EPB41L3: variants seen among roughly 807,000 people sequenced by gnomAD.
EPB41L3 encodes erythrocyte membrane protein band 4.1 like 3, also known as band 4.1-like protein 3.
EPB41L3 carries 57 observed loss-of-function variants against 127.1 expected under a neutral mutation model. The observed-to-expected ratio is 0.45, with a 90% CI of 0.36 to 0.56. The LOEUF (loss-of-function observed/expected upper bound fraction) is 0.56. Among genes scored for constraint, EPB41L3 ranks in the 20% least tolerant of loss-of-function variants. EPB41L3 has a pLI of 0.00. For missense variants in EPB41L3, 1,273 were observed against 1,372.2 expected (o/e 0.93, Z 1.14); for synonymous variants, 572 against 549.5 (o/e 1.04, Z -0.57).
Position 5,582,625 on chromosome 18 carries a change from A to G in EPB41L3, c.-306+29715T>C, listed in dbSNP as rs866033447. Among the ~76,000 whole-genome samples, 6 of 152,378 alleles carry G rather than the reference A, an allele frequency of 3.9e-5. No individual in the cohort carries two copies. In the East Asian group the frequency reaches 9.6e-4, roughly 24 times the overall value. ...GTCCATGATGATTTTAACACAGAGA[A>G]CATGAGTGCTAGAAAGGACTCACGC... is the stretch of plus-strand genomic sequence containing the variant. On this transcript the variant is annotated intron_variant, in intron 3 of 21. Coordinates refer to the EPB41L3 transcript ENST00000545076.
intron 3 of EPB41L3, among the ~76,000 whole-genome samples, chr18:5,596,297 G>A (rs2094536683): frequency 6.6e-6 from 1 of 152,214 alleles, no homozygotes; most frequent in Non-Finnish European, 1.5e-5. Flanking sequence ...TGGGGCCAAG[G>A]AATGGATTTC....
chr18:5,508,766 C>CA (rs397969769), intron 1 of EPB41L3, among the ~76,000 whole-genome samples: 6,640 of 51,310 alleles, frequency 0.13, 479 homozygotes, highest in East Asian at 0.3. Flanking sequence ...GACTCCATCT[C>CA]AAAAAAAAAA....
At chr18:5,450,258 A>G (rs2082111847) in intron 3 of EPB41L3, among the ~76,000 whole-genome samples, 1 of 152,150 alleles carries the variant, frequency 6.6e-6, no homozygotes, top group South Asian at 2.1e-4. Flanking sequence ...TGATCATGAA[A>G]TGGTGAACGC....
At chr18:5,568,170 A>G (rs2094231530) in intron 3 of EPB41L3, among the ~76,000 whole-genome samples, 1 of 152,152 alleles carries the variant, frequency 6.6e-6, no homozygotes, top group Non-Finnish European at 1.5e-5. Flanking sequence ...ATAACATAAA[A>G]GTGATGTTTG....
chr18:5,575,195 G>A (rs953268204), intron 3 of EPB41L3, among the ~76,000 whole-genome samples: 3 of 152,104 alleles, frequency 2.0e-5, no homozygotes, highest in South Asian at 2.1e-4. Context: ...TGAGTAATTC[G>A]CAATCTTTCT....
rs1275401649 is a variant in EPB41L3 at position 5,612,723 on chromosome 18, A to G, written c.-394-295T>C. Among the ~76,000 whole-genome samples, 4 of 152,174 alleles carry G rather than the reference A, an allele frequency of 2.6e-5. No homozygotes were observed. The East Asian group carries it at 7.7e-4, about 29-fold the overall frequency. On this transcript the variant is annotated intron_variant, in intron 2 of 21. Transcript: ENST00000545076. ...GTTACTGTCATGGAGGTAAGCATAA[A>G]TATCTGTTTTCAAACACATTTTTGT... is the stretch of plus-strand genomic sequence containing the variant.
chr18:5,422,347 C>T (rs1229458191), intron 11 of EPB41L3, among the ~76,000 whole-genome samples: 2 of 152,152 alleles, frequency 1.3e-5, no homozygotes, highest in Non-Finnish European at 2.9e-5. Context: ...ATTCAAGGAG[C>T]ACCTCTCCCC....
intron 3 of EPB41L3, among the ~76,000 whole-genome samples, chr18:5,606,468 C>T (rs9965239): frequency 0.27 from 40,739 of 152,000 alleles, 6,348 homozygotes; most frequent in East Asian, 0.69. Context: ...CAACAATGTA[C>T]TATTGATGAG....
chr18:5,463,385 A>C (rs1329214614), intron 3 of EPB41L3, among the ~76,000 whole-genome samples: 1 of 152,162 alleles, frequency 6.6e-6, no homozygotes, highest in Non-Finnish European at 1.5e-5. Flanking sequence ...GAAACTGTGA[A>C]TAAAGTAGAT....
chr18:5,486,921 T>C (rs1170748878), intron 2 of EPB41L3, among the ~76,000 whole-genome samples: 1 of 151,260 alleles, frequency 6.6e-6, no homozygotes, highest in East Asian at 1.9e-4. Flanking sequence ...AGTATGGAGG[T>C]TCCTTGAAAA....
intron 3 of EPB41L3, among the ~76,000 whole-genome samples, chr18:5,463,179 G>C (rs548924018): frequency 1.9e-4 from 29 of 152,262 alleles, no homozygotes; most frequent in African/African-American, 6.5e-4. Flanking sequence ...CAATAGAGCT[G>C]ACTAGTGTCC....
intron 15 of EPB41L3, chr18:5,407,464 A>C: frequency 1.8e-6 from 1 of 564,768 alleles, no homozygotes; most frequent in Non-Finnish European, 3.1e-6. Flanking sequence ...TATGTTTGAC[A>C]TACACATTTT....
chr18:5,554,793 T>G (rs2149164718), intron 3 of EPB41L3, among the ~76,000 whole-genome samples: 1 of 102,160 alleles, frequency 9.8e-6, no homozygotes, highest in East Asian at 3.2e-4. Flanking sequence ...GGGCCCTCTT[T>G]GCTCATGTGT....
chr18:5,475,428 C>T (rs1204515735), intron 3 of EPB41L3, among the ~76,000 whole-genome samples: 1 of 152,152 alleles, frequency 6.6e-6, no homozygotes, highest in Non-Finnish European at 1.5e-5. Flanking sequence ...GAGCATTTAT[C>T]GCATGTGATT....
chr18:5,502,688 C>T (rs1423273282), intron 1 of EPB41L3, among the ~76,000 whole-genome samples: 1 of 152,146 alleles, frequency 6.6e-6, no homozygotes, highest in African/African-American at 2.4e-5. Flanking sequence ...GAGTGGACAA[C>T]ATTGGTCCCA....
intron 11 of EPB41L3, among the ~76,000 whole-genome samples, chr18:5,422,676 C>T (rs2077628334): frequency 1.3e-5 from 2 of 152,168 alleles, no homozygotes; most frequent in African/African-American, 4.8e-5. Flanking sequence ...CTCCATATTA[C>T]TTCAGAGAGC....
At chr18:5,464,079 C>T (rs2084520385) in intron 3 of EPB41L3, among the ~76,000 whole-genome samples, 1 of 152,124 alleles carries the variant, frequency 6.6e-6, no homozygotes, top group African/African-American at 2.4e-5. Context: ...TTCAAACATA[C>T]TCAACACTTG....
intron 1 of EPB41L3, among the ~76,000 whole-genome samples, chr18:5,531,420 C>T (rs1020764506): frequency 6.6e-6 from 1 of 152,008 alleles, no homozygotes; most frequent in Non-Finnish European, 1.5e-5. Flanking sequence ...AATTGGGAAA[C>T]CTTTAAGAAA....
At chr18:5,550,843 T>G (rs1298975712) in intron 3 of EPB41L3, among the ~76,000 whole-genome samples, 1 of 152,166 alleles carries the variant, frequency 6.6e-6, no homozygotes, top group Non-Finnish European at 1.5e-5. Context: ...ATGTACATGG[T>G]CTTTGAATCC....
Sources: gnomAD v4.1 joint callset for allele counts (sites outside exome capture counted in the v4.1 genomes callset) on GRCh38, gnomAD v4.1.1 for gene constraint, MANE v1.5 for transcripts, NCBI Gene and HGNC (gene_info 2026-07-23, HGNC 2026-07-21) for gene names.